FCGR2B: variants seen among roughly 807,000 people sequenced by gnomAD.
The protein encoded by FCGR2B is Fc gamma receptor IIb, also known as low affinity immunoglobulin gamma Fc region receptor II-b.
In FCGR2B, 18 loss-of-function variants were observed where a neutral mutation model predicts 24.8. That is an observed-to-expected ratio of 0.73 (90% CI 0.50 to 1.08). FCGR2B has a LOEUF of 1.08. FCGR2B is among the 50% of genes least tolerant of loss of function. FCGR2B has a pLI of 0.00. For missense variants in FCGR2B, 215 were observed against 297.6 expected, an observed-to-expected ratio of 0.72 and a Z score of 2.04; for synonymous variants, 79 against 109.8, an observed-to-expected ratio of 0.72 and a Z score of 1.75.
intron 1 of FCGR2B, among the ~76,000 whole-genome samples, chr1:161,669,574 C>CAAAAT (rs3039548): frequency 0.14 from 17,648 of 122,582 alleles, 2,047 homozygotes; most frequent in Non-Finnish European, 0.18. Flanking sequence ...TGTCCCCCCA[C>CAAAAT]AAAATAAAAT....
upstream of FCGR2B, among the ~76,000 whole-genome samples, chr1:161,660,899 CAA>C (rs762110926): frequency 3.9e-4 from 11 of 28,166 alleles, no homozygotes; most frequent in Non-Finnish European, 6.0e-4. Flanking sequence ...ACTAAAAATA[CAA>C]AAAAAAAAAA....
chr1:161,677,034 C>A (rs12118043), intron 6 of FCGR2B: 67,538 of 461,422 alleles, frequency 0.15, 6,104 homozygotes, highest in Non-Finnish European at 0.18. Flanking sequence ...ATCTCAGATC[C>A]CAAGCCTCCC....
At chr1:161,674,202 GTCAT>G (rs1681931216) in intron 5 of FCGR2B, 129 bp downstream of exon 5, 1 of 256,668 alleles carries the variant, frequency 3.9e-6, no homozygotes, top group Non-Finnish European at 7.3e-6. Context: ...TTGTATTATA[GTCAT>G]TCATTCGTTT....
chr1:161,647,297 C>CTTTTTTTTTTT, the FCGR2B span, among the ~76,000 whole-genome samples: 3 of 122,546 alleles, frequency 2.4e-5, no homozygotes, highest in African/African-American at 9.8e-5. Flanking sequence ...GCTCTGGACT[C>CTTTTTTTTTTT]TTTTTTTTTT....
the FCGR2B span, among the ~76,000 whole-genome samples, chr1:161,649,578 A>C: frequency 1.1e-4 from 16 of 150,700 alleles, 1 homozygote; most frequent in African/African-American, 3.4e-4. Flanking sequence ...GAACGGAGCA[A>C]GACTGAGGCA....
At chr1:161,677,388 C>G in intron 7 of FCGR2B, 23 bp downstream of exon 7, 1 of 1,612,894 alleles carries the variant, frequency 6.2e-7, no homozygotes, top group East Asian at 2.2e-5. Flanking sequence ...AGCCATCTCC[C>G]CCTCCCTTCT....
chr1:161,651,725 C>T, the FCGR2B span, among the ~76,000 whole-genome samples: 1 of 119,784 alleles, frequency 8.3e-6, no homozygotes, highest in South Asian at 3.0e-4. Flanking sequence ...CACCTGAGGT[C>T]GGGAGTTGAG....
the FCGR2B span, among the ~76,000 whole-genome samples, chr1:161,652,894 G>T: frequency 7.4e-6 from 1 of 134,238 alleles, no homozygotes; most frequent in Non-Finnish European, 1.7e-5. Flanking sequence ...CAGCATTTCA[G>T]TAGACCAAGA....
At chr1:161,651,154 G>C in the FCGR2B span, among the ~76,000 whole-genome samples, 1 of 131,084 alleles carries the variant, frequency 7.6e-6, no homozygotes, top group African/African-American at 2.7e-5. Flanking sequence ...AGACTGCATA[G>C]TGCCCCTGGG....
At chr1:161,655,045 A>G in the FCGR2B span, among the ~76,000 whole-genome samples, 1 of 142,666 alleles carries the variant, frequency 7.0e-6, no homozygotes, top group African/African-American at 2.5e-5. Flanking sequence ...CAGAAATTAG[A>G]TGAAGTTATC....
At chr1:161,677,024 A>C in intron 6 of FCGR2B, 1 of 432,336 alleles carries the variant, frequency 2.3e-6, no homozygotes, top group Non-Finnish European at 4.1e-6. Flanking sequence ...CTTCCCCAAT[A>C]TCTCAGATCC....
chr1:161,672,890 A>G (rs867839870), intron 3 of FCGR2B, 85 bp from the exon 4 acceptor site: 60 of 1,571,822 alleles, frequency 3.8e-5, no homozygotes, highest in African/African-American at 1.2e-4. Flanking sequence ...CCCTCTGCAC[A>G]TCGTGTCCCA....
chr1:161,673,402 G>A (rs1026794685), intron 4 of FCGR2B, 173 bp downstream of exon 4: 99 of 819,338 alleles, frequency 1.2e-4, no homozygotes, highest in Non-Finnish European at 1.9e-4. Context: ...CAGGAGTAGG[G>A]GCCAGAGCTT....
the FCGR2B span, among the ~76,000 whole-genome samples, chr1:161,649,020 G>A: frequency 6.6e-6 from 1 of 150,854 alleles, no homozygotes; most frequent in African/African-American, 2.5e-5. Flanking sequence ...AGTTATGAAG[G>A]TCACTGAAGC....
the FCGR2B span, among the ~76,000 whole-genome samples, chr1:161,654,384 TTG>T: frequency 1.5e-5 from 2 of 137,036 alleles, no homozygotes; most frequent in South Asian, 2.4e-4. Flanking sequence ...GTTGTTGTTG[TTG>T]TTTTTTCCTG....
chr1:161,658,847 GA>G (rs1347439753), upstream of FCGR2B, among the ~76,000 whole-genome samples: 1 of 151,890 alleles, frequency 6.6e-6, no homozygotes, highest in Non-Finnish European at 1.5e-5. Context: ...AAAAAGAAAG[GA>G]GTACATTCTG....
intron 6 of FCGR2B, chr1:161,675,784 A>G: frequency 4.2e-6 from 1 of 235,656 alleles, no homozygotes; most frequent in East Asian, 6.0e-5. Flanking sequence ...TGGAGTGGCC[A>G]GGCTCAGCTG....
At chr1:161,668,808 T>C (rs1408570552) in intron 1 of FCGR2B, among the ~76,000 whole-genome samples, 2 of 104,406 alleles carry the variant, frequency 1.9e-5, no homozygotes, top group Admixed American at 1.8e-4. Flanking sequence ...CAACACTTTC[T>C]CCACATTGCT....
chr1:161,647,984 G>C, the FCGR2B span, among the ~76,000 whole-genome samples: 1 of 150,782 alleles, frequency 6.6e-6, no homozygotes, highest in Non-Finnish European at 1.5e-5. Context: ...CTCATGGAAG[G>C]CTTTATGGAG....
Sources: allele counts gnomAD v4.1 joint callset (sites outside exome capture counted in the v4.1 genomes callset), GRCh38; gene constraint gnomAD v4.1.1; transcripts MANE v1.5; gene names NCBI Gene and HGNC (gene_info 2026-07-23, HGNC 2026-07-21).